Variants in ADGRL3 observed in about 807,000 individuals in gnomAD.
The protein encoded by ADGRL3 is calcium-independent alpha-latrotoxin receptor 3.
In ADGRL3, 62 loss-of-function variants were observed where a neutral mutation model predicts 153.5. That is an observed-to-expected ratio of 0.40 (90% CI 0.33 to 0.50). The LOEUF is 0.50. ADGRL3 is among the 20% of genes least tolerant of loss of function. ADGRL3 has a pLI of 0.47. For missense variants in ADGRL3, 1,641 were observed against 1,859.4 expected (o/e 0.88, Z 2.16); for synonymous variants, 710 against 672.5 (o/e 1.06, Z -0.86).
At chr4:61,976,118 G>A (rs1243916704) in intron 17 of ADGRL3, among the ~76,000 whole-genome samples, 2 of 152,052 alleles carry the variant, frequency 1.3e-5, no homozygotes, top group African/African-American at 2.4e-5. Flanking sequence ...CTAGGTGCTA[G>A]GATGTAATAT....
At chr4:61,364,183 A>AG (rs1283284077) in intron 1 of ADGRL3, among the ~76,000 whole-genome samples, 1 of 151,754 alleles carries the variant, frequency 6.6e-6, no homozygotes, top group East Asian at 1.9e-4. Context: ...AAAAAAAAAA[A>AG]TTAGCTGGGC....
intron 3 of ADGRL3, 73 bp downstream of exon 3, chr4:61,497,421 C>T: frequency 1.1e-6 from 1 of 903,368 alleles, no homozygotes; most frequent in South Asian, 1.7e-5. Flanking sequence ...TCCTTGGGAT[C>T]TTTTCTCTGA....
chr4:61,328,412 T>A (rs2150915815), intron 1 of ADGRL3, among the ~76,000 whole-genome samples: 1 of 152,276 alleles, frequency 6.6e-6, no homozygotes, highest in Admixed American at 6.5e-5. Context: ...GTAAGGCATA[T>A]GCCAGTGATC....
At chr4:61,684,619 C>T (rs2095409586) in intron 6 of ADGRL3, among the ~76,000 whole-genome samples, 1 of 151,950 alleles carries the variant, frequency 6.6e-6, no homozygotes, top group African/African-American at 2.4e-5. Flanking sequence ...TTCAGCCTGC[C>T]GAGGGGTTCC....
intron 1 of ADGRL3, among the ~76,000 whole-genome samples, chr4:61,271,911 G>C (rs998565085): frequency 6.6e-6 from 1 of 151,970 alleles, no homozygotes; most frequent in Non-Finnish European, 1.5e-5. Flanking sequence ...CTGTTCATTT[G>C]TGTGATGTTT....
chr4:61,993,615 G>A (rs1266462748), intron 19 of ADGRL3, among the ~76,000 whole-genome samples: 2 of 151,878 alleles, frequency 1.3e-5, no homozygotes, highest in African/African-American at 2.4e-5. Flanking sequence ...TACCCTGAGG[G>A]AAAATACAAT....
chr4:61,560,650 T>A (rs938559331), intron 4 of ADGRL3, among the ~76,000 whole-genome samples: 6 of 103,678 alleles, frequency 5.8e-5, no homozygotes, highest in Non-Finnish European at 1.2e-4. Context: ...GGGTTTTTAT[T>A]TATTTATTTT....
chr4:61,931,197 A>G (rs9993301), intron 13 of ADGRL3, among the ~76,000 whole-genome samples: 2,640 of 152,134 alleles, frequency 0.017, 84 homozygotes, highest in African/African-American at 0.061. Flanking sequence ...TGTTGCCTTT[A>G]CTCTCCAATT....
At chr4:61,746,577 G>C (rs1182898425) in intron 8 of ADGRL3, among the ~76,000 whole-genome samples, 1 of 152,028 alleles carries the variant, frequency 6.6e-6, no homozygotes, top group East Asian at 1.9e-4. Flanking sequence ...TCAACTACAT[G>C]GAAACTGAAC....
intron 9 of ADGRL3, among the ~76,000 whole-genome samples, chr4:61,860,321 G>T (rs2098327612): frequency 6.6e-6 from 1 of 151,694 alleles, no homozygotes; most frequent in Non-Finnish European, 1.5e-5. Flanking sequence ...CGTCTTTTTT[G>T]GTCTTTTTCT....
At chr4:62,046,736 CTTTA>C (rs1222828011) in intron 25 of ADGRL3, among the ~76,000 whole-genome samples, 1 of 151,918 alleles carries the variant, frequency 6.6e-6, no homozygotes, top group African/African-American at 2.4e-5. Context: ...CACTTAGTGA[CTTTA>C]TTTGTGCTAG....
At chr4:61,615,582 G>GTGTA (rs1553983195) in intron 5 of ADGRL3, among the ~76,000 whole-genome samples, 1 of 150,856 alleles carries the variant, frequency 6.6e-6, no homozygotes, top group Non-Finnish European at 1.5e-5. Flanking sequence ...AATATTGTGT[G>GTGTA]TGTGTGTGTG....
At chr4:61,641,216 T>A (rs1385135416) in intron 5 of ADGRL3, among the ~76,000 whole-genome samples, 2 of 152,160 alleles carry the variant, frequency 1.3e-5, no homozygotes, top group Non-Finnish European at 2.9e-5. Flanking sequence ...TTACATGATG[T>A]GATGCCTACT....
chr4:61,847,142 T>A (rs2098127001), intron 9 of ADGRL3, among the ~76,000 whole-genome samples: 1 of 152,016 alleles, frequency 6.6e-6, no homozygotes, highest in African/African-American at 2.4e-5. Context: ...ATTCAACTAT[T>A]CATATTATGG....
At chr4:61,527,953 A>G (rs960934631) in intron 4 of ADGRL3, among the ~76,000 whole-genome samples, 2 of 152,034 alleles carry the variant, frequency 1.3e-5, no homozygotes, top group African/African-American at 2.4e-5. Flanking sequence ...TTCTCTCACC[A>G]CCATGCCCTT....
At chr4:61,373,822 T>C (rs1474217897) in intron 1 of ADGRL3, among the ~76,000 whole-genome samples, 2 of 152,218 alleles carry the variant, frequency 1.3e-5, no homozygotes, top group Non-Finnish European at 2.9e-5. Context: ...AACATTTTAA[T>C]GAACCTTATT....
At chr4:61,562,481 C>T (rs1250693103) in intron 4 of ADGRL3, among the ~76,000 whole-genome samples, 1 of 152,218 alleles carries the variant, frequency 6.6e-6, no homozygotes, top group Non-Finnish European at 1.5e-5. Context: ...TAAAACTCTG[C>T]TGCTACCTTA....
At chr4:61,655,885 CA>C (rs2150476377) in intron 5 of ADGRL3, among the ~76,000 whole-genome samples, 1 of 152,232 alleles carries the variant, frequency 6.6e-6, no homozygotes, top group East Asian at 1.9e-4. Context: ...TGAGTAGAGA[CA>C]TATTTTTCTT....
intron 9 of ADGRL3, among the ~76,000 whole-genome samples, chr4:61,887,801 C>T (rs1020500214): frequency 2.6e-5 from 4 of 152,096 alleles, no homozygotes; most frequent in Non-Finnish European, 5.9e-5. Flanking sequence ...GCCAAGATTG[C>T]ACCACTGCAC....
Sources: gnomAD v4.1 joint callset for allele counts (sites outside exome capture counted in the v4.1 genomes callset) on GRCh38, gnomAD v4.1.1 for gene constraint, MANE v1.5 for transcripts, NCBI Gene and HGNC (gene_info 2026-07-23, HGNC 2026-07-21) for gene names.